Variants in TRHDE observed in about 807,000 individuals in gnomAD.
TRHDE encodes the protein thyrotropin-releasing hormone-degrading ectoenzyme.
Under a neutral mutation model 125.7 loss-of-function variants are expected in TRHDE, and 72 were observed. The ratio of observed to expected loss-of-function variants is 0.57; its 90% confidence interval spans 0.47 to 0.70. The LOEUF (loss-of-function observed/expected upper bound fraction) is 0.70. Ranked by LOEUF, TRHDE falls within the 30% of genes least tolerant of loss-of-function variation. The probability of loss-of-function intolerance (pLI) is 0.00; values close to 1 mark genes in which losing one functional copy is unlikely to be tolerated. For missense variants in TRHDE, 1,110 were observed against 1,327.1 expected, an observed-to-expected ratio of 0.84 and a Z score of 2.54; for synonymous variants, 509 against 509.1, an observed-to-expected ratio of 1.00 and a Z score of 0.00.
intron 2 of TRHDE, among the ~76,000 whole-genome samples, chr12:72,178,496 G>A (rs1203954858): frequency 6.6e-6 from 1 of 152,046 alleles, no homozygotes. Flanking sequence ...AGGAGCCTAA[G>A]CTGATAACTG....
chr12:72,244,220 G>A (rs1237053610), intron 2 of TRHDE, among the ~76,000 whole-genome samples: 1 of 152,068 alleles, frequency 6.6e-6, no homozygotes, highest in East Asian at 1.9e-4. Flanking sequence ...TTGCCTACTG[G>A]ATCTTCACCA....
chr12:72,171,252 G>GAAA lies in TRHDE; in HGVS notation n.279+65508_279+65510dup, dbSNP rs149653500. Among the ~76,000 whole-genome samples the GAAA allele has an allele frequency of 6.9e-4, 102 of 148,578 alleles. 1 individual carries two copies. The East Asian group carries it at 0.016, about 24-fold the overall frequency. ...AAAGAGGCCTTATCTAAATGTCCAA[G>GAAA]AAAAAAAAAATAGGATTAGTTTTGT... On this transcript the variant is annotated intron_variant and non_coding_transcript_variant, in intron 2 of 4. Coordinates refer to the TRHDE transcript ENST00000548156.
chr12:72,403,482 A>C (rs1049832697), intron 3 of TRHDE, among the ~76,000 whole-genome samples: 1 of 152,190 alleles, frequency 6.6e-6, no homozygotes, highest in African/African-American at 2.4e-5. Flanking sequence ...CTGGTGAAAC[A>C]GGTCCTAATA....
chr12:72,335,656 C>T (rs1185588220), intron 2 of TRHDE, among the ~76,000 whole-genome samples: 5 of 152,172 alleles, frequency 3.3e-5, no homozygotes, highest in African/African-American at 1.2e-4. Context: ...CTTGTAGAGC[C>T]TTGCATTTAG....
intron 2 of TRHDE, among the ~76,000 whole-genome samples, chr12:72,229,611 G>T (rs1340319268): frequency 6.6e-6 from 1 of 152,204 alleles, no homozygotes; most frequent in African/African-American, 2.4e-5. Context: ...AAAATACAAA[G>T]TGGATGAAGG....
At chr12:72,089,071 C>T (rs1442017105) in intron 1 of TRHDE, among the ~76,000 whole-genome samples, 5 of 152,062 alleles carry the variant, frequency 3.3e-5, no homozygotes, top group Admixed American at 6.5e-5. Flanking sequence ...CCTATCTCAC[C>T]GATGGCAACT....
chr12:72,175,538 C>T (rs1876967907), intron 2 of TRHDE, among the ~76,000 whole-genome samples: 1 of 152,194 alleles, frequency 6.6e-6, no homozygotes, highest in African/African-American at 2.4e-5. Context: ...TGAAGCAGAG[C>T]TCTACTCCTG....
At chr12:72,345,556 A>G (rs944248830) in intron 2 of TRHDE, among the ~76,000 whole-genome samples, 4 of 152,148 alleles carry the variant, frequency 2.6e-5, no homozygotes, top group African/African-American at 7.2e-5. Context: ...TATTTTTAAT[A>G]ATGGTCATGT....
At chr12:72,576,981 T>C (rs1871024220) in intron 12 of TRHDE, among the ~76,000 whole-genome samples, 1 of 152,064 alleles carries the variant, frequency 6.6e-6, no homozygotes, top group South Asian at 2.1e-4. Context: ...ATAATAGAGC[T>C]ACATAAAGGC....
At chr12:72,250,804 CA>C (rs952754259) in intron 2 of TRHDE, among the ~76,000 whole-genome samples, 3 of 138,388 alleles carry the variant, frequency 2.2e-5, no homozygotes, top group Non-Finnish European at 4.6e-5. Context: ...GACTTTTCCC[CA>C]AAATGGTGTG....
chr12:72,540,992 T>A (rs532826168), intron 6 of TRHDE, among the ~76,000 whole-genome samples: 9 of 151,762 alleles, frequency 5.9e-5, no homozygotes, highest in Non-Finnish European at 1.3e-4. Flanking sequence ...TTGCACTACA[T>A]TCAAGTCCCA....
At chr12:72,106,888 A>T (rs921649838) in intron 2 of TRHDE, among the ~76,000 whole-genome samples, 1 of 152,128 alleles carries the variant, frequency 6.6e-6, no homozygotes, top group Non-Finnish European at 1.5e-5. Flanking sequence ...ATACTTTCTG[A>T]TCTGTGATCT....
At chr12:72,608,984 A>G (rs1324440536) in intron 12 of TRHDE, among the ~76,000 whole-genome samples, 1 of 152,158 alleles carries the variant, frequency 6.6e-6, no homozygotes, top group African/African-American at 2.4e-5. Flanking sequence ...TAATACTGCC[A>G]ACCTGAGAAG....
rs1055801582 is a variant in TRHDE at position 72,581,663 on chromosome 12, G to A, written c.2321+6121G>A. 5.3e-5 allele frequency among the ~76,000 whole-genome samples: 8 copies of A among 152,108 alleles called. No homozygotes were observed. In the East Asian group the frequency reaches 9.6e-4, roughly 18 times the overall value. ...GACTACTCTGTTAAAAAATCCAGTC[G>A]TTTACAAATTTTCCCATGATGAGGG... On this transcript the variant is annotated intron_variant, in intron 12 of 18. Transcript: ENST00000261180.
At chr12:72,531,113 A>C (rs1868528803) in intron 6 of TRHDE, among the ~76,000 whole-genome samples, 1 of 152,092 alleles carries the variant, frequency 6.6e-6, no homozygotes, top group Non-Finnish European at 1.5e-5. Flanking sequence ...GTTTTCTCAC[A>C]TCCTCATCTG....
chr12:72,344,631 G>A (rs539539861), intron 2 of TRHDE, among the ~76,000 whole-genome samples: 87 of 152,116 alleles, frequency 5.7e-4, no homozygotes, highest in Non-Finnish European at 1.1e-3. Context: ...ATTGTGCAGA[G>A]AATTCCAATA....
intron 3 of TRHDE, among the ~76,000 whole-genome samples, chr12:72,393,320 A>G (rs1325201696): frequency 6.6e-6 from 1 of 152,174 alleles, no homozygotes; most frequent in Non-Finnish European, 1.5e-5. Flanking sequence ...AATAATGCAT[A>G]TTATTGATAG....
At chr12:72,655,477 T>C (rs1039643777) in intron 17 of TRHDE, among the ~76,000 whole-genome samples, 3 of 152,156 alleles carry the variant, frequency 2.0e-5, no homozygotes, top group African/African-American at 7.2e-5. Context: ...AAAATTACTT[T>C]CTTTCCTGTT....
chr12:72,437,537 A>G (rs954641908), intron 3 of TRHDE, among the ~76,000 whole-genome samples: 3 of 151,820 alleles, frequency 2.0e-5, no homozygotes, highest in African/African-American at 7.2e-5. Context: ...TACTATTGTC[A>G]TTTTCAGCTT....
Sources: gnomAD v4.1 joint callset for allele counts (sites outside exome capture counted in the v4.1 genomes callset) on GRCh38, gnomAD v4.1.1 for gene constraint, MANE v1.5 for transcripts, NCBI Gene and HGNC (gene_info 2026-07-23, HGNC 2026-07-21) for gene names.